Variants in SVIL observed in about 807,000 individuals in gnomAD.
SVIL encodes the protein archvillin.
In SVIL, 101 loss-of-function variants were observed where a neutral mutation model predicts 240.4. The observed-to-expected ratio is 0.42, with a 90% CI of 0.36 to 0.50. The LOEUF (loss-of-function observed/expected upper bound fraction) is 0.50, where lower values mean the gene tolerates loss of function less well. Among genes scored for constraint, SVIL ranks in the 20% least tolerant of loss-of-function variants. The pLI, the probability that SVIL is intolerant of heterozygous loss-of-function variation, is 0.01. For synonymous variants in SVIL, 999 were observed against 1,100.0 expected, an observed-to-expected ratio of 0.91 and a Z score of 1.82; for missense variants, 2,512 against 2,818.7, an observed-to-expected ratio of 0.89 and a Z score of 2.46.
intron 1 of SVIL, among the ~76,000 whole-genome samples, chr10:29,630,210 A>T (rs1958031854): frequency 6.6e-6 from 1 of 152,180 alleles, no homozygotes; most frequent in South Asian, 2.1e-4. Flanking sequence ...CTGCACAGGG[A>T]AAGTGCCCCA....
At chr10:29,492,995 C>T (rs966152447) in intron 21 of SVIL, among the ~76,000 whole-genome samples, 7 of 152,170 alleles carry the variant, frequency 4.6e-5, no homozygotes, top group Non-Finnish European at 7.3e-5. Context: ...GGTCTGCCTG[C>T]ATGCACATCT....
At chr10:29,465,519 A>G in intron 34 of SVIL, 76 bp downstream of exon 34, 1 of 1,517,256 alleles carries the variant, frequency 6.6e-7, no homozygotes, top group Non-Finnish European at 8.8e-7. Context: ...CTTAATAAAT[A>G]CCAACGTAAA....
intron 1 of SVIL, among the ~76,000 whole-genome samples, chr10:29,727,828 T>G (rs1216251605): frequency 3.3e-5 from 5 of 151,920 alleles, no homozygotes; most frequent in Non-Finnish European, 7.4e-5. Context: ...GGGCTCTGGG[T>G]GCACTGCAAA....
chr10:29,647,258 T>A (rs1958689046), intron 3 of SVIL: 1 of 152,216 alleles, frequency 6.6e-6, no homozygotes. Flanking sequence ...CCAAGTGCAC[T>A]GGGAAAGTTG....
chr10:29,691,801 A>C (rs4747674), intron 1 of SVIL, among the ~76,000 whole-genome samples: 36,071 of 152,108 alleles, frequency 0.24, 4,576 homozygotes, highest in African/African-American at 0.3. Flanking sequence ...GAATCCCTGT[A>C]ACACTCTGTT....
At chr10:29,472,544 C>T (rs1324215533) in intron 30 of SVIL, among the ~76,000 whole-genome samples, 1 of 152,252 alleles carries the variant, frequency 6.6e-6, no homozygotes, top group Non-Finnish European at 1.5e-5. Context: ...ATTGCTGCTA[C>T]TCAGCAAGTT....
At chr10:29,576,136 T>G in intron 1 of SVIL, 2 of 985,246 alleles carry the variant, frequency 2.0e-6, no homozygotes, top group Non-Finnish European at 2.4e-6. Flanking sequence ...ATTTTCGTTA[T>G]GATGAAAGTG....
chr10:29,656,320 C>T (rs1959004636), intron 3 of SVIL, among the ~76,000 whole-genome samples: 1 of 151,986 alleles, frequency 6.6e-6, no homozygotes, highest in Non-Finnish European at 1.5e-5. Flanking sequence ...CTCATTCTTA[C>T]AAGTCTCTAC....
In SVIL at chr10:29,735,354, G is replaced by A. The variant is rs1283682725; in HGVS notation, c.-400+397C>T. On this transcript the variant is annotated intron_variant, in intron 1 of 35. Coordinates refer to the SVIL transcript ENST00000375400. This position sits in a 1 kb window ranked among gnomAD's most constrained non-coding sequence, Gnocchi z 4.1. ...TCTGATCACTGGCGCGCCACTCCCC[G>A]GGCCACCCGCCTCCCCGCCATGCTC... 6.7e-6 allele frequency among the ~76,000 whole-genome samples: 1 copy of A among 150,236 alleles called. No homozygotes were observed. The highest frequency in any genetic ancestry group is 1.5e-5 in the Non-Finnish European group (1 of 67,360).
rs537785078 is a variant in SVIL at position 29,629,912 on chromosome 10, C to T, written c.-201+4508G>A. Among the ~76,000 whole-genome samples, 25 of 148,646 alleles carry T rather than the reference C, an allele frequency of 1.7e-4. 1 individual carries two copies. The highest frequency in any genetic ancestry group is 1.1e-3 in the South Asian group (5 of 4,620). Reference sequence around the variant, plus strand: ...GGAGGAATGCTTGAGCCCAGGAGTTCGAGGCTGCAGTGAACCATGGTCATG... The same window carrying T: ...GGAGGAATGCTTGAGCCCAGGAGTTTGAGGCTGCAGTGAACCATGGTCATG... On this transcript the variant is annotated intron_variant, in intron 1 of 37. Coordinates refer to ENST00000355867, the MANE Select transcript of SVIL (RefSeq NM_021738.3).
chr10:29,544,961 A>G (rs906300490), intron 6 of SVIL: 2 of 533,192 alleles, frequency 3.8e-6, no homozygotes, highest in Non-Finnish European at 3.8e-6. Context: ...TGTGAGGAGG[A>G]CCCAGATGTC....
chr10:29,719,034 G>C lies in SVIL; in HGVS notation c.-400+16717C>G, dbSNP rs554395867. The stretch of plus-strand genomic sequence containing the variant: ...CTGGCAGGAGAATTGCTTAAACCCA[G>C]GAGGTGGAGGTTGCGGTGAGCTGAG... On this transcript the variant is annotated intron_variant, in intron 1 of 35. Coordinates refer to the SVIL transcript ENST00000375400. Among the ~76,000 whole-genome samples, 64 of 152,322 alleles carry C rather than the reference G, an allele frequency of 4.2e-4. 1 individual carries two copies. In the South Asian group the frequency reaches 7.5e-3, roughly 18 times the overall value.
chr10:29,606,069 C>T (rs559799919), intron 1 of SVIL, among the ~76,000 whole-genome samples: 7 of 151,868 alleles, frequency 4.6e-5, no homozygotes, highest in South Asian at 4.2e-4. Context: ...TGCCACCACG[C>T]GCAGTTAATT....
chr10:29,727,492 G>A (rs1340881319), intron 1 of SVIL, among the ~76,000 whole-genome samples: 1 of 152,012 alleles, frequency 6.6e-6, no homozygotes, highest in Non-Finnish European at 1.5e-5. Context: ...TGGGTGCCAT[G>A]AGTCCAACCA....
chr10:29,681,908 C>A (rs1564759473), intron 2 of SVIL, among the ~76,000 whole-genome samples: 1 of 152,176 alleles, frequency 6.6e-6, no homozygotes, highest in South Asian at 2.1e-4. Context: ...TAACCCTGAT[C>A]AGGAACAGAC....
At chr10:29,527,787 G>A (rs1420566835) in intron 12 of SVIL, among the ~76,000 whole-genome samples, 84 of 133,676 alleles carry the variant, frequency 6.3e-4, no homozygotes, top group Non-Finnish European at 9.9e-4. Context: ...ATGCAGTGGC[G>A]CGATCTCGGC....
intron 32 of SVIL, chr10:29,469,058 A>G (rs1375459962): frequency 6.6e-6 from 1 of 152,152 alleles, no homozygotes; most frequent in East Asian, 1.9e-4. Flanking sequence ...GATTTATAGG[A>G]TAAGTCCTGT....
intron 1 of SVIL, among the ~76,000 whole-genome samples, chr10:29,633,926 G>A (rs537355457): frequency 1.4e-4 from 21 of 152,144 alleles, no homozygotes; most frequent in Non-Finnish European, 2.5e-4. Context: ...AAGAATGAGA[G>A]TACCAAGGCA....
intron 3 of SVIL, among the ~76,000 whole-genome samples, chr10:29,558,423 T>G (rs1954136086): frequency 6.6e-6 from 1 of 152,152 alleles, no homozygotes; most frequent in African/African-American, 2.4e-5. Flanking sequence ...AGCAAACAAA[T>G]GATGACCTCT....
Sources: gnomAD v4.1 joint callset for allele counts (sites outside exome capture counted in the v4.1 genomes callset) on GRCh38, gnomAD v4.1.1 for gene constraint, Gnocchi (gnomAD v3.1) non-coding constraint, MANE v1.5 for transcripts, NCBI Gene and HGNC (gene_info 2026-07-23, HGNC 2026-07-21) for gene names.